The following FBN2 variants were observed in gnomAD, a reference collection of about 807,000 sequenced individuals.
FBN2 encodes the protein fibrillin-2.
FBN2 carries 105 observed loss-of-function variants against 355.6 expected under a neutral mutation model. That is an observed-to-expected ratio of 0.30 (90% CI 0.25 to 0.35). The LOEUF is 0.35. Ranked by LOEUF, FBN2 falls within the 10% of genes least tolerant of loss-of-function variation. The pLI is 1.00. For missense variants in FBN2, 3,280 were observed against 3,758.7 expected, an observed-to-expected ratio of 0.87 and a Z score of 3.33; for synonymous variants, 1,350 against 1,301.2, an observed-to-expected ratio of 1.04 and a Z score of -0.81.
chr5:128,502,649 G>A (rs1252452932), intron 5 of FBN2, among the ~76,000 whole-genome samples: 1 of 152,146 alleles, frequency 6.6e-6, no homozygotes, highest in Non-Finnish European at 1.5e-5. Flanking sequence ...AGAGATAAAA[G>A]AGATTGTATA....
At chr5:128,294,320 C>A (rs1170149134) in intron 48 of FBN2, among the ~76,000 whole-genome samples, 2 of 151,922 alleles carry the variant, frequency 1.3e-5, no homozygotes, top group Non-Finnish European at 1.5e-5. Flanking sequence ...GTCTTTACAG[C>A]AGCATGATTT....
chr5:128,371,374 T>C lies in FBN2; in HGVS notation c.2096-2040A>G, dbSNP rs140002585. Among the ~76,000 whole-genome samples the C allele has an allele frequency of 5.9e-5, 9 of 152,246 alleles. No homozygotes were observed. In the East Asian group the frequency reaches 1.5e-3, roughly 26 times the overall value. ...TGGTGACAGACTGGACCTAAATGCA[T>C]CTTTTCCATATGTTAGCAGACTTCT... On this transcript the variant is annotated intron_variant, in intron 15 of 64. Coordinates refer to ENST00000262464, the MANE Select transcript of FBN2 (RefSeq NM_001999.4).
chr5:128,278,718 T>C lies in FBN2; in HGVS notation c.7262A>G (p.Gln2421Arg), dbSNP rs764759689. 9.3e-6 allele frequency: 15 copies of C among 1,614,060 alleles called. No homozygotes were observed. The highest frequency in any genetic ancestry group is 2.5e-6 in the Non-Finnish European group (3 of 1,180,026). Residue 2421 changes from glutamine to arginine, a missense_variant, in exon 57 of 65, where the codon CAG (glutamine) becomes CGG (arginine). This residue lies in a region of FBN2 where 2,284 missense variants were observed against 2,749.5 expected (regional missense o/e 0.83). Transcript: ENST00000262464. The stretch of plus-strand genomic sequence containing the variant: ...TCCAGGAAGTGGGCAAAGCTCGCAC[T>C]GGTGGCCCCAGCCTCGCCCACCATC... ...CCDGGRGWGH[Q>R]CELCPLPGTA...
intron 5 of FBN2, among the ~76,000 whole-genome samples, chr5:128,478,328 C>T (rs1041377541): frequency 6.6e-6 from 1 of 152,178 alleles, no homozygotes; most frequent in Non-Finnish European, 1.5e-5. Context: ...AGGCATTGGG[C>T]TTTGCTGTCA....
chr5:128,420,129 A>G (rs968691069), intron 7 of FBN2, among the ~76,000 whole-genome samples: 1 of 152,138 alleles, frequency 6.6e-6, no homozygotes, highest in South Asian at 2.1e-4. Flanking sequence ...AATGTATTTC[A>G]TGAGTTAAAT....
intron 15 of FBN2, 56 bp from the exon 16 acceptor site, chr5:128,369,390 G>C: frequency 5.7e-6 from 9 of 1,581,878 alleles, no homozygotes; most frequent in Non-Finnish European, 7.8e-6. Context: ...AAGAGATTTC[G>C]AAACAGAAGG....
intron 5 of FBN2, among the ~76,000 whole-genome samples, chr5:128,472,300 T>C (rs1754882119): frequency 6.6e-6 from 1 of 152,132 alleles, no homozygotes; most frequent in Non-Finnish European, 1.5e-5. Context: ...ACACAAGGTA[T>C]CCAGAGTAGT....
chr5:128,483,169 G>A (rs917450086), intron 5 of FBN2, among the ~76,000 whole-genome samples: 1 of 152,080 alleles, frequency 6.6e-6, no homozygotes, highest in African/African-American at 2.4e-5. Flanking sequence ...AGATGAGGGA[G>A]GAAGGGAAGA....
Position 128,414,013 on chromosome 5 carries a change from A to G in FBN2, c.953-5214T>C, listed in dbSNP as rs144290208. On this transcript the variant is annotated intron_variant, in intron 7 of 64. Coordinates refer to ENST00000262464, the MANE Select transcript of FBN2 (RefSeq NM_001999.4). The stretch of plus-strand genomic sequence containing the variant: ...CCAGCTTTTCTAAAGACAACAGGCA[A>G]TATCAATATTACAAATTGCAATGGA... Among the ~76,000 whole-genome samples the G allele has an allele frequency of 6.4e-3, 978 of 152,302 alleles. 11 individuals are homozygous for G. The highest frequency in any genetic ancestry group is 0.022 in the African/African-American group (917 of 41,570).
chr5:128,335,333 TGTC>T (rs1561776481), intron 29 of FBN2, 38 bp from the exon 30 acceptor site: 1 of 1,613,916 alleles, frequency 6.2e-7, no homozygotes, highest in East Asian at 2.2e-5. Flanking sequence ...AAAATAAAAA[TGTC>T]GTTCATCAAT....
At chr5:128,301,629 C>T (rs2126834659) in intron 46 of FBN2, 119 bp from the exon 47 acceptor site, 1 of 947,962 alleles carries the variant, frequency 1.1e-6, no homozygotes, top group Non-Finnish European at 1.7e-6. Context: ...CATATTACAA[C>T]TCCTCATCAA....
At chr5:128,488,178 A>G (rs1211151529) in intron 5 of FBN2, among the ~76,000 whole-genome samples, 3 of 148,998 alleles carry the variant, frequency 2.0e-5, no homozygotes, top group African/African-American at 7.7e-5. Context: ...TCACGCTTCA[A>G]TGAACCCAGA....
chr5:128,535,917 T>C (rs904019710), intron 2 of FBN2, among the ~76,000 whole-genome samples: 2 of 152,046 alleles, frequency 1.3e-5, no homozygotes, highest in African/African-American at 4.8e-5. Flanking sequence ...TCCTTTCGTA[T>C]CTAGGTTATG....
intron 6 of FBN2, among the ~76,000 whole-genome samples, chr5:128,455,990 C>CAAAA (rs70997371): frequency 0.074 from 1,857 of 25,246 alleles, 608 homozygotes; most frequent in African/African-American, 0.12. Flanking sequence ...GGGTTAGCAA[C>CAAAA]AAAAAAAAAA....
intron 32 of FBN2, 110 bp downstream of exon 32, chr5:128,332,802 C>CT: frequency 8.9e-7 from 1 of 1,119,866 alleles, no homozygotes; most frequent in Non-Finnish European, 1.4e-6. Flanking sequence ...CTAAGATAAC[C>CT]TTTTTATAAA....
intron 5 of FBN2, among the ~76,000 whole-genome samples, chr5:128,488,475 T>G (rs560129500): frequency 4.6e-5 from 7 of 152,272 alleles, no homozygotes; most frequent in African/African-American, 1.7e-4. Context: ...TTTCTGTGCT[T>G]CTTTGATTTT....
intron 2 of FBN2, among the ~76,000 whole-genome samples, chr5:128,535,447 C>G (rs1282262250): frequency 6.6e-6 from 1 of 152,110 alleles, no homozygotes; most frequent in African/African-American, 2.4e-5. Flanking sequence ...ACATGGAGGT[C>G]AATCTAAAGT....
Position 128,318,948 on chromosome 5 carries a change from G to C in FBN2, c.4525C>G (p.Leu1509Val), listed in dbSNP as rs565713985. ...CAGATGCAATGAAACATTCCAGGCA[G>C]GTTATTACATGTTCCAAAGACACAA... ...NICVFGTCNN[L>V]PGMFHCICDD... Residue 1509 changes from leucine to valine, a missense_variant, in exon 35 of 65, where the codon CTG becomes GTG. Leu to Val is a conservative substitution (Grantham distance 32). Around this residue, in one of 6 missense-constraint regions of FBN2, gnomAD observed 2,284 missense variants for 2,749.5 expected, o/e 0.83. Transcript: ENST00000262464. 1 of 1,612,180 alleles carries C rather than the reference G, an allele frequency of 6.2e-7. No homozygotes were observed. Among genetic ancestry groups the C allele is most frequent in the Admixed American group, 1.7e-5 (1 of 59,992 alleles).
chr5:128,263,697 G>A, intron 62 of FBN2, 41 bp from the exon 63 acceptor site: 1 of 1,501,902 alleles, frequency 6.7e-7, no homozygotes. Flanking sequence ...GGGGAAGCAG[G>A]CAAGAGCAAA....
Sources: allele counts gnomAD v4.1 joint callset (sites outside exome capture counted in the v4.1 genomes callset), GRCh38; gene constraint gnomAD v4.1.1; regional missense constraint gnomAD v4.1.1; transcripts MANE v1.5; gene names NCBI Gene and HGNC (gene_info 2026-07-23, HGNC 2026-07-21).